CRACR2A: variants seen among roughly 807,000 people sequenced by gnomAD.
The protein encoded by CRACR2A is calcium release activated channel regulator 2A.
CRACR2A carries 79 observed loss-of-function variants against 90.5 expected under a neutral mutation model. That is an observed-to-expected ratio of 0.87 (90% CI 0.73 to 1.05). The LOEUF (loss-of-function observed/expected upper bound fraction) is 1.05, where lower values mean the gene tolerates loss of function less well. Ranked by LOEUF, CRACR2A falls within the 50% of genes least tolerant of loss-of-function variation. CRACR2A has a pLI of 0.00. For missense variants in CRACR2A, 823 were observed against 897.2 expected, an observed-to-expected ratio of 0.92 and a Z score of 1.06; for synonymous variants, 338 against 356.7, an observed-to-expected ratio of 0.95 and a Z score of 0.59.
rs377405599 is a variant in CRACR2A at position 3,617,051 on chromosome 12, G to A, written c.2035-21C>T. The A allele has an allele frequency of 8.4e-5, 129 of 1,532,436 alleles. 2 individuals carry two copies. The highest frequency in any genetic ancestry group is 9.6e-5 in the Non-Finnish European group (108 of 1,129,674). 94.9% of individuals were successfully genotyped at this position (1,532,436 alleles called of 1,614,324 possible). On this transcript the variant is annotated intron_variant, in intron 18 of 19. Transcript: ENST00000440314. ...TTCTCCTAGAATCATAAAACAGAGC[G>A]AATACAAGAGTATTGGAGTGAGAGG... is the stretch of plus-strand genomic sequence containing the variant.
chr12:3,694,823 G>A (rs1304178923), intron 4 of CRACR2A, among the ~76,000 whole-genome samples: 1 of 152,146 alleles, frequency 6.6e-6, no homozygotes, highest in African/African-American at 2.4e-5. Context: ...ACTGACCACA[G>A]GTTCAGAAAA....
intron 6 of CRACR2A, among the ~76,000 whole-genome samples, chr12:3,678,521 G>A (rs1945378547): frequency 6.6e-6 from 1 of 152,140 alleles, no homozygotes; most frequent in Admixed American, 6.5e-5. Flanking sequence ...GGAGCTGATG[G>A]TGATAGGAAG....
At chr12:3,643,877 TA>T (rs1565471074) in intron 12 of CRACR2A, among the ~76,000 whole-genome samples, 1 of 52,438 alleles carries the variant, frequency 1.9e-5, no homozygotes, top group African/African-American at 6.9e-5. Context: ...ATATTATATA[TA>T]TTTATATTAA....
intron 3 of CRACR2A, among the ~76,000 whole-genome samples, chr12:3,700,071 A>G (rs948881133): frequency 6.6e-6 from 1 of 152,190 alleles, no homozygotes; most frequent in African/African-American, 2.4e-5. Context: ...GTGATCCTTA[A>G]GCAGGGGCAG....
chr12:3,743,799 C>T (rs1946567585), intron 1 of CRACR2A, among the ~76,000 whole-genome samples: 1 of 152,104 alleles, frequency 6.6e-6, no homozygotes, highest in Non-Finnish European at 1.5e-5. Flanking sequence ...ACATCAGAAC[C>T]CTGTGCCCTA....
At chr12:3,748,855 C>T (rs931127543) in intron 1 of CRACR2A, among the ~76,000 whole-genome samples, 1 of 152,188 alleles carries the variant, frequency 6.6e-6, no homozygotes, top group Non-Finnish European at 1.5e-5. Context: ...ATCCGGATGA[C>T]GTCATGCTAA....
At chr12:3,740,083 C>T (rs1392297712) in intron 1 of CRACR2A, among the ~76,000 whole-genome samples, 1 of 152,046 alleles carries the variant, frequency 6.6e-6, no homozygotes, top group Non-Finnish European at 1.5e-5. Context: ...AACGACATAT[C>T]CTGCTCATCC....
intron 4 of CRACR2A, among the ~76,000 whole-genome samples, chr12:3,695,040 C>G (rs1385216760): frequency 6.6e-6 from 1 of 152,186 alleles, no homozygotes; most frequent in Non-Finnish European, 1.5e-5. Context: ...TACCTAGTTT[C>G]AATTCTCCAT....
intron 1 of CRACR2A, among the ~76,000 whole-genome samples, chr12:3,748,422 G>A (rs1389889141): frequency 1.3e-5 from 2 of 152,196 alleles, no homozygotes; most frequent in Non-Finnish European, 2.9e-5. Context: ...TCAACAAACA[G>A]ACAAGGGAAG....
At chr12:3,697,146 G>T (rs910078867) in intron 3 of CRACR2A, 111 bp from the exon 4 acceptor site, 8 of 1,312,368 alleles carry the variant, frequency 6.1e-6, no homozygotes, top group Admixed American at 2.8e-5. Context: ...GTGTGTCCAG[G>T]AATCTCTTAG....
intron 2 of CRACR2A, among the ~76,000 whole-genome samples, chr12:3,720,473 GA>G (rs891811449): frequency 1.1e-4 from 15 of 140,006 alleles, no homozygotes; most frequent in South Asian, 2.3e-4. Context: ...GAAAGCAAAA[GA>G]AAAAAAGAAA....
intron 4 of CRACR2A, among the ~76,000 whole-genome samples, chr12:3,685,633 A>G (rs1945538635): frequency 6.6e-6 from 1 of 152,252 alleles, no homozygotes; most frequent in African/African-American, 2.4e-5. Flanking sequence ...CAGTCTCAAA[A>G]GGACAAATAT....
chr12:3,725,233 C>A (rs1946242455), intron 2 of CRACR2A, among the ~76,000 whole-genome samples: 1 of 152,158 alleles, frequency 6.6e-6, no homozygotes, highest in Admixed American at 6.5e-5. Context: ...TATCAAAAAC[C>A]AGGTGTCTTA....
chr12:3,745,141 C>T (rs771065555), intron 1 of CRACR2A, among the ~76,000 whole-genome samples: 2 of 152,138 alleles, frequency 1.3e-5, no homozygotes, highest in Non-Finnish European at 2.9e-5. Context: ...CCCTGTGAGT[C>T]AAGATCTCCA....
chr12:3,695,104 T>C (rs1367553169), intron 4 of CRACR2A, among the ~76,000 whole-genome samples: 2 of 152,256 alleles, frequency 1.3e-5, no homozygotes, highest in African/African-American at 4.8e-5. Flanking sequence ...AATTAGGTTA[T>C]ATACAGCAAG....
rs561494652 is a variant in CRACR2A at position 3,652,005 on chromosome 12, G to A, written c.1046+2207C>T. Among the ~76,000 whole-genome samples, 477 of 152,258 alleles carry A rather than the reference G, an allele frequency of 3.1e-3. 4 individuals carry two copies. Among genetic ancestry groups the A allele is most frequent in the African/African-American group, 0.011 (456 of 41,534 alleles). ...CCGGGCCCCAGCATGCTCACCGGCT[G>A]CACAAGAAACTGCAAGCTTCTTGAA... On this transcript the variant is annotated intron_variant, in intron 10 of 19. Coordinates refer to ENST00000440314, the MANE Select transcript of CRACR2A (RefSeq NM_001144958.2).
Position 3,633,092 on chromosome 12 carries a change from C to T in CRACR2A, c.1735+512G>A, listed in dbSNP as rs1426009415. On this transcript the variant is annotated intron_variant, in intron 15 of 19. Transcript: ENST00000440314. This position sits in a 1 kb window ranked among gnomAD's most constrained non-coding sequence, Gnocchi z 4.5. Reference sequence around the variant, plus strand: ...TTAAGTCCAGCTGTCGCCCAGCAGGCTGGGGACTTAGGACAGATACAATGC... The same window carrying T: ...TTAAGTCCAGCTGTCGCCCAGCAGGTTGGGGACTTAGGACAGATACAATGC... Among the ~76,000 whole-genome samples the T allele has an allele frequency of 6.6e-6, 1 of 152,156 alleles. No individual in the cohort carries two copies. The highest frequency in any genetic ancestry group is 1.5e-5 in the Non-Finnish European group (1 of 68,026).
chr12:3,615,959 G>A (rs1340980953), intron 19 of CRACR2A, among the ~76,000 whole-genome samples: 2 of 152,258 alleles, frequency 1.3e-5, no homozygotes, highest in African/African-American at 2.4e-5. Flanking sequence ...ATTGTAGGAG[G>A]TGAGGAATTA....
At chr12:3,623,826 A>G (rs1030840017) in intron 17 of CRACR2A, among the ~76,000 whole-genome samples, 1 of 152,196 alleles carries the variant, frequency 6.6e-6, no homozygotes, top group African/African-American at 2.4e-5. Flanking sequence ...CAGTCTTCCC[A>G]TCTCATCAAG....
Sources: allele counts gnomAD v4.1 joint callset (sites outside exome capture counted in the v4.1 genomes callset), GRCh38; gene constraint gnomAD v4.1.1; non-coding constraint Gnocchi (gnomAD v3.1); transcripts MANE v1.5; gene names NCBI Gene and HGNC (gene_info 2026-07-23, HGNC 2026-07-21).